Variants in FAM117B observed in about 807,000 individuals in gnomAD.
FAM117B encodes the protein family with sequence similarity 117 member B.
Under a neutral mutation model 52.8 loss-of-function variants are expected in FAM117B, and 22 were observed. The ratio of observed to expected loss-of-function variants is 0.42; its 90% confidence interval spans 0.30 to 0.59. FAM117B has a LOEUF of 0.59. Ranked by LOEUF, FAM117B falls within the 20% of genes least tolerant of loss-of-function variation. The probability of loss-of-function intolerance (pLI) is 0.22; values close to 1 mark genes in which losing one functional copy is unlikely to be tolerated. For missense variants in FAM117B, 678 were observed against 802.6 expected, an observed-to-expected ratio of 0.84 and a Z score of 1.88; for synonymous variants, 309 against 324.1, an observed-to-expected ratio of 0.95 and a Z score of 0.50.
intron 4 of FAM117B, among the ~76,000 whole-genome samples, chr2:202,747,566 C>CA (rs901567461): frequency 8.6e-5 from 13 of 151,676 alleles, no homozygotes; most frequent in East Asian, 5.8e-4. Flanking sequence ...CAAAAGACTA[C>CA]AAAAAAAATC....
At position 202,706,222 on chromosome 2, in the gene FAM117B, G is replaced by A. The variant is rs527697757; in HGVS notation, c.753+10190G>A. Among the ~76,000 whole-genome samples the A allele has an allele frequency of 7.9e-5, 12 of 152,048 alleles. No homozygotes were observed. The South Asian group carries it at 2.3e-3, about 29-fold the overall frequency. On this transcript the variant is annotated intron_variant, in intron 2 of 7. Transcript: ENST00000392238. ...TGTTTCTTTGGTTTGGTTTCTTTACGGCATAAACCAGTCATCTTTTGCTTT... is the reference window on the plus strand; with the variant it reads ...TGTTTCTTTGGTTTGGTTTCTTTACAGCATAAACCAGTCATCTTTTGCTTT...
At position 202,765,506 on chromosome 2, in the gene FAM117B, C is replaced by G; in HGVS notation, c.1512C>G (p.Phe504Leu). The change falls in exon 8 of 8, where the codon TTC becomes TTG. Residue 504 changes from phenylalanine (F) to leucine (L), a missense_variant. Physicochemically the swap from Phe to Leu is conservative, Grantham distance 22. This residue lies in a region of FAM117B where 27 missense variants were observed against 77.3 expected (regional missense o/e 0.35). Transcript: ENST00000392238. ...GTCCTGACAAAAACAAGGTGAATTT[C>G]ATTCCTAAAAGTGGATCTGCTTTCT... The part of the protein sequence containing the change: ...FYCPDKNKVN[F>L]IPKSGSAFCL... 1 of 1,613,842 alleles carries G rather than the reference C, an allele frequency of 6.2e-7. No homozygotes were observed. The highest frequency in any genetic ancestry group is 8.5e-7 in the Non-Finnish European group (1 of 1,180,004).
intron 1 of FAM117B, among the ~76,000 whole-genome samples, chr2:202,680,339 C>T (rs1398486969): frequency 1.3e-5 from 2 of 152,046 alleles, no homozygotes; most frequent in Non-Finnish European, 2.9e-5. Context: ...TTAATGGGTG[C>T]AGCACACCAA....
chr2:202,673,302 T>C (rs1017972986), intron 1 of FAM117B, among the ~76,000 whole-genome samples: 10 of 152,140 alleles, frequency 6.6e-5, no homozygotes, highest in Admixed American at 5.9e-4. Flanking sequence ...GCTGATTTTG[T>C]GTATGCTAGA....
intron 5 of FAM117B, among the ~76,000 whole-genome samples, chr2:202,756,099 G>A (rs754160694): frequency 3.3e-5 from 5 of 152,104 alleles, no homozygotes; most frequent in Admixed American, 2.0e-4. Context: ...TGACATGCTA[G>A]GCTATGTCAT....
intron 2 of FAM117B, among the ~76,000 whole-genome samples, chr2:202,721,793 C>G (rs1463725559): frequency 1.3e-5 from 2 of 151,760 alleles, no homozygotes; most frequent in Non-Finnish European, 2.9e-5. Flanking sequence ...GTCATGAGGC[C>G]CAGCTAATTT....
chr2:202,691,294 C>T (rs1690618083), intron 1 of FAM117B, among the ~76,000 whole-genome samples: 1 of 152,158 alleles, frequency 6.6e-6, no homozygotes, highest in African/African-American at 2.4e-5. Flanking sequence ...TGATGCATGC[C>T]TGTAATCCCA....
intron 2 of FAM117B, among the ~76,000 whole-genome samples, chr2:202,716,354 T>A (rs1055745115): frequency 6.6e-6 from 1 of 152,230 alleles, no homozygotes; most frequent in Non-Finnish European, 1.5e-5. Flanking sequence ...GTGTTTTGTT[T>A]GGAGAGTTTA....
chr2:202,731,892 C>T (rs1334644478), intron 4 of FAM117B, among the ~76,000 whole-genome samples: 1 of 152,086 alleles, frequency 6.6e-6, no homozygotes, highest in African/African-American at 2.4e-5. Context: ...TGTGCTACCA[C>T]ACCCAGCTAA....
At chr2:202,670,148 C>T (rs1204121847) in intron 1 of FAM117B, among the ~76,000 whole-genome samples, 1 of 152,162 alleles carries the variant, frequency 6.6e-6, no homozygotes, top group East Asian at 1.9e-4. Flanking sequence ...GTGCTAGCTA[C>T]TATTTAGTTG....
intron 1 of FAM117B, among the ~76,000 whole-genome samples, chr2:202,682,341 C>T (rs187272585): frequency 3.5e-4 from 54 of 152,212 alleles, no homozygotes; most frequent in African/African-American, 6.7e-4. Context: ...TGTTTCCCCT[C>T]GGGCTTCAAG....
intron 4 of FAM117B, among the ~76,000 whole-genome samples, chr2:202,740,074 G>T (rs1691499955): frequency 6.8e-6 from 1 of 147,568 alleles, no homozygotes; most frequent in Non-Finnish European, 1.5e-5. Context: ...TTCGGAGGCT[G>T]AGGCAGGAGA....
At position 202,766,089 on chromosome 2, in the gene FAM117B, CA is replaced by C. The variant is rs1691974945; in HGVS notation, c.*326del. 3.8e-5 allele frequency: 9 copies of C among 238,036 alleles called. No individual in the cohort carries two copies. The highest frequency in any genetic ancestry group is 1.0e-4 in the Admixed American group (2 of 19,206). The allele number at this position is 238,036 out of a possible 1,614,324, so 14.7% of individuals were successfully genotyped here. On this transcript the variant is annotated 3_prime_UTR_variant, in exon 8 of 8. Transcript: ENST00000392238. ...ACACACACACACACACACACACACA[CA>C]CACACACACACACACACCCCTGATC...
At chr2:202,716,208 T>G (rs1228756149) in intron 2 of FAM117B, among the ~76,000 whole-genome samples, 1 of 152,228 alleles carries the variant, frequency 6.6e-6, no homozygotes, top group African/African-American at 2.4e-5. Flanking sequence ...CTCCTGCTCT[T>G]TTTTGGTTTC....
chr2:202,648,518 A>ACCC (rs56196446), intron 1 of FAM117B, among the ~76,000 whole-genome samples: 13 of 96,720 alleles, frequency 1.3e-4, no homozygotes, highest in Admixed American at 2.5e-4. Flanking sequence ...CTCTGTCCCC[A>ACCC]CCCCCCCCCC....
At chr2:202,751,856 A>T (rs1009156000) in intron 4 of FAM117B, among the ~76,000 whole-genome samples, 2 of 151,964 alleles carry the variant, frequency 1.3e-5, no homozygotes, top group Non-Finnish European at 2.9e-5. Flanking sequence ...TGGCTCAAAA[A>T]TATAAGTTGA....
intron 2 of FAM117B, among the ~76,000 whole-genome samples, chr2:202,708,188 T>G (rs1023015379): frequency 6.6e-6 from 1 of 152,228 alleles, no homozygotes; most frequent in Non-Finnish European, 1.5e-5. Flanking sequence ...TTACTCATTT[T>G]GCTTAACTGA....
In FAM117B at chr2:202,635,597, C is replaced by A; in HGVS notation, c.410C>A (p.Pro137His). ...RSAAPGARGS[P>H]PRPPPPPPLL... ...GCCGCGCCTGGAGCTCGCGGGAGCCCCCCACGGCCGCCGCCGCCGCCGCCG... is the reference window on the plus strand; with the variant it reads ...GCCGCGCCTGGAGCTCGCGGGAGCCACCCACGGCCGCCGCCGCCGCCGCCG... The change falls in exon 1 of 8, where the codon CCC (proline) becomes CAC (histidine). Residue 137 changes from proline to histidine, a missense_variant. Around this residue, in one of 3 missense-constraint regions of FAM117B, gnomAD observed 583 missense variants for 644.8 expected, o/e 0.90. Coordinates refer to ENST00000392238, the MANE Select transcript of FAM117B (RefSeq NM_173511.4). 7.8e-7 allele frequency: 1 copy of A among 1,279,718 alleles called. No homozygotes were observed. The highest frequency in any genetic ancestry group is 9.8e-7 in the Non-Finnish European group (1 of 1,018,752). The allele number at this position is 1,279,718 out of a possible 1,614,324, so 79.3% of individuals were successfully genotyped here. A position where few individuals can be genotyped will look rare whatever the true frequency, so the allele number is the denominator to read the frequency against.
At chr2:202,691,443 C>T (rs1056390300) in intron 1 of FAM117B, among the ~76,000 whole-genome samples, 1 of 151,640 alleles carries the variant, frequency 6.6e-6, no homozygotes, top group Non-Finnish European at 1.5e-5. Context: ...AATAATAATC[C>T]AATAATTTTA....
Sources: gnomAD v4.1 joint callset for allele counts (sites outside exome capture counted in the v4.1 genomes callset) on GRCh38, gnomAD v4.1.1 for gene constraint, gnomAD v4.1.1 regional missense constraint, MANE v1.5 for transcripts, NCBI Gene and HGNC (gene_info 2026-07-23, HGNC 2026-07-21) for gene names.